Variants in SEMA6D observed in about 807,000 individuals in gnomAD.
SEMA6D encodes the protein semaphorin 6D.
In SEMA6D, 35 loss-of-function variants were observed where a neutral mutation model predicts 106.6. That is an observed-to-expected ratio of 0.33 (90% CI 0.25 to 0.44). The LOEUF (loss-of-function observed/expected upper bound fraction) is 0.44, where lower values mean the gene tolerates loss of function less well. Ranked by LOEUF, SEMA6D falls within the 20% of genes least tolerant of loss-of-function variation. The pLI is 1.00. For missense variants in SEMA6D, 1,185 were observed against 1,345.9 expected (o/e 0.88, Z 1.87); for synonymous variants, 499 against 487.7 (o/e 1.02, Z -0.31).
At chr15:47,569,490 C>T (rs77603260) in intron 3 of SEMA6D, among the ~76,000 whole-genome samples, 2,209 of 152,256 alleles carry the variant, frequency 0.015, 23 homozygotes, top group Non-Finnish European at 0.021. Context: ...GGGCACAGGA[C>T]ACTTTCAGCA....
intron 3 of SEMA6D, among the ~76,000 whole-genome samples, chr15:47,482,748 G>A (rs1267974375): frequency 6.6e-6 from 1 of 151,988 alleles, no homozygotes; most frequent in Non-Finnish European, 1.5e-5. Context: ...GAAAAATGTG[G>A]GAGGATTTCT....
At chr15:47,618,852 G>A (rs756239823) in intron 4 of SEMA6D, among the ~76,000 whole-genome samples, 5 of 152,176 alleles carry the variant, frequency 3.3e-5, no homozygotes, top group Non-Finnish European at 7.3e-5. Context: ...TAACTTCTTA[G>A]GGAGGTTTTG....
chr15:47,659,823 C>G (rs2077880462), intron 4 of SEMA6D, among the ~76,000 whole-genome samples: 1 of 151,976 alleles, frequency 6.6e-6, no homozygotes, highest in Non-Finnish European at 1.5e-5. Context: ...TTAAAATGTG[C>G]AAGTTAAAAT....
chr15:47,613,512 G>A (rs1442031187), intron 4 of SEMA6D, among the ~76,000 whole-genome samples: 1 of 152,114 alleles, frequency 6.6e-6, no homozygotes, highest in Non-Finnish European at 1.5e-5. Context: ...CTCAGTTTTA[G>A]GGTGAGATAC....
intron 3 of SEMA6D, among the ~76,000 whole-genome samples, chr15:47,515,556 T>C (rs535001408): frequency 2.6e-5 from 4 of 152,260 alleles, no homozygotes; most frequent in East Asian, 3.9e-4. Flanking sequence ...ATATAAACTT[T>C]TGTAGCAAGC....
chr15:47,303,679 T>C (rs1418247529), intron 1 of SEMA6D, among the ~76,000 whole-genome samples: 3 of 152,234 alleles, frequency 2.0e-5, no homozygotes, highest in African/African-American at 7.2e-5. Context: ...ATTCATTCTA[T>C]ATTTATTGAG....
intron 2 of SEMA6D, among the ~76,000 whole-genome samples, chr15:47,435,954 C>T (rs1462087164): frequency 6.6e-6 from 1 of 152,042 alleles, no homozygotes; most frequent in Non-Finnish European, 1.5e-5. Context: ...GTGTCACTTT[C>T]AGGCTAAAGC....
chr15:47,241,146 A>G (rs538465252), intron 1 of SEMA6D: 4 of 152,286 alleles, frequency 2.6e-5, no homozygotes, highest in African/African-American at 9.6e-5. Flanking sequence ...GTAACCCAAA[A>G]TGTGTATTTA....
rs540180782 is a variant in SEMA6D, at chr15:47,510,295, C to A, written c.-87+39750C>A. Among the ~76,000 whole-genome samples, 10 of 152,224 alleles carry A rather than the reference C, an allele frequency of 6.6e-5. No homozygotes were observed. In the East Asian group the frequency reaches 1.9e-3, roughly 29 times the overall value. ...GCACCCTCCTTATGAGAATCTAATG[C>A]CTGATGATCTGAGGTGGAATAGTTT... On this transcript the variant is annotated intron_variant, in intron 3 of 19. Coordinates refer to the SEMA6D transcript ENST00000558014.
chr15:47,578,450 C>T (rs149028116), intron 3 of SEMA6D, among the ~76,000 whole-genome samples: 5 of 152,272 alleles, frequency 3.3e-5, no homozygotes, highest in Non-Finnish European at 7.4e-5. Context: ...ATTGACTAAA[C>T]TCTAAAATCT....
At chr15:47,555,452 TC>T (rs1415020340) in intron 3 of SEMA6D, among the ~76,000 whole-genome samples, 24 of 152,368 alleles carry the variant, frequency 1.6e-4, no homozygotes, top group African/African-American at 5.5e-4. Flanking sequence ...ACAATACGTT[TC>T]ATTTTAATAA....
intron 4 of SEMA6D, among the ~76,000 whole-genome samples, chr15:47,616,209 T>C (rs11070602): frequency 0.12 from 17,995 of 151,944 alleles, 1,985 homozygotes; most frequent in African/African-American, 0.29. Context: ...CTTGCTCTGT[T>C]GCCAGGCTGG....
intron 1 of SEMA6D, among the ~76,000 whole-genome samples, chr15:47,258,277 C>G (rs893928974): frequency 6.6e-6 from 1 of 151,928 alleles, no homozygotes; most frequent in African/African-American, 2.4e-5. Flanking sequence ...ATGTTAGAAC[C>G]GAATATATTT....
chr15:47,715,970 G>T (rs761986372), upstream of SEMA6D, among the ~76,000 whole-genome samples: 1 of 152,166 alleles, frequency 6.6e-6, no homozygotes, highest in South Asian at 2.1e-4. Context: ...ATAACTGGAC[G>T]CCAGGAAACA....
intron 1 of SEMA6D, among the ~76,000 whole-genome samples, chr15:47,265,820 T>C (rs2034291110): frequency 6.6e-6 from 1 of 152,110 alleles, no homozygotes; most frequent in Non-Finnish European, 1.5e-5. Context: ...ATTATTTTAG[T>C]GACATCTGTA....
At chr15:47,629,137 A>G (rs574643506) in intron 4 of SEMA6D, among the ~76,000 whole-genome samples, 5 of 152,050 alleles carry the variant, frequency 3.3e-5, no homozygotes, top group Non-Finnish European at 7.4e-5. Context: ...TACTGCAGCT[A>G]CATAATAAGT....
intron 1 of SEMA6D, among the ~76,000 whole-genome samples, chr15:47,290,112 C>T (rs1375721991): frequency 6.6e-6 from 1 of 152,152 alleles, no homozygotes; most frequent in Non-Finnish European, 1.5e-5. Flanking sequence ...AATTATTTTT[C>T]ATCTAAGAAA....
At chr15:47,680,728 T>C (rs1240752949) in intron 4 of SEMA6D, among the ~76,000 whole-genome samples, 3 of 152,150 alleles carry the variant, frequency 2.0e-5, no homozygotes, top group Non-Finnish European at 4.4e-5. Context: ...ATAAGGAACT[T>C]ATACAACTCA....
At chr15:47,377,367 A>G (rs975290151) in intron 1 of SEMA6D, among the ~76,000 whole-genome samples, 2 of 152,140 alleles carry the variant, frequency 1.3e-5, no homozygotes. Context: ...CAATTCAATG[A>G]GATGGAAATA....
Sources: allele counts gnomAD v4.1 joint callset (sites outside exome capture counted in the v4.1 genomes callset), GRCh38; gene constraint gnomAD v4.1.1; transcripts MANE v1.5; gene names NCBI Gene and HGNC (gene_info 2026-07-23, HGNC 2026-07-21).